Variants in SLC4A10 observed in about 807,000 individuals in gnomAD.
The protein encoded by SLC4A10 is sodium-driven chloride bicarbonate exchanger.
A neutral mutation model predicts 137.7 loss-of-function variants in SLC4A10; 42 were observed. The observed-to-expected ratio is 0.30, with a 90% CI of 0.24 to 0.39. The LOEUF (loss-of-function observed/expected upper bound fraction) is 0.39, where lower values mean the gene tolerates loss of function less well. SLC4A10 is among the 10% of genes least tolerant of loss of function. SLC4A10 has a pLI of 1.00. For missense variants in SLC4A10, 925 were observed against 1,355.0 expected (o/e 0.68, Z 4.98); for synonymous variants, 474 against 464.1 (o/e 1.02, Z -0.27).
Position 161,903,963 on chromosome 2 carries a change from T to C in SLC4A10, c.1443-41T>C, listed in dbSNP as rs376075933. ...TGAGCATTTTGACTTGTGTGTTTTT[T>C]ATATTTGGGTTTCACTATTGTGTTT... On this transcript the variant is annotated intron_variant, in intron 12 of 26. Coordinates refer to ENST00000446997, the MANE Select transcript of SLC4A10 (RefSeq NM_001178015.2). The C allele has an allele frequency of 2.0e-6, 3 of 1,514,526 alleles. No individual in the cohort carries two copies. The African/African-American group carries it at 4.2e-5, about 21-fold the overall frequency. 93.8% of individuals were successfully genotyped at this position (1,514,526 alleles called of 1,614,324 possible).
At chr2:161,645,636 C>A (rs896896065) in intron 1 of SLC4A10, among the ~76,000 whole-genome samples, 4 of 151,952 alleles carry the variant, frequency 2.6e-5, no homozygotes, top group African/African-American at 9.7e-5. Flanking sequence ...ATAAAGCCTG[C>A]AGTAGGAAAC....
chr2:161,878,621 A>G (rs1195293846), intron 8 of SLC4A10, among the ~76,000 whole-genome samples: 1 of 152,176 alleles, frequency 6.6e-6, no homozygotes, highest in African/African-American at 2.4e-5. Context: ...GGCCAAGTAT[A>G]TAATGTGAAG....
intron 1 of SLC4A10, chr2:161,709,695 C>A (rs1457414573): frequency 6.6e-6 from 1 of 151,414 alleles, no homozygotes; most frequent in African/African-American, 2.4e-5. Context: ...TGAAACTCTG[C>A]CATTTATTTT....
chr2:161,981,166 T>A (rs1217971766), intron 26 of SLC4A10, among the ~76,000 whole-genome samples: 2 of 152,260 alleles, frequency 1.3e-5, no homozygotes, highest in Non-Finnish European at 2.9e-5. Context: ...TGAATCTTTT[T>A]ATTTATGACT....
intron 15 of SLC4A10, among the ~76,000 whole-genome samples, chr2:161,937,285 A>G (rs1375054719): frequency 6.6e-6 from 1 of 152,172 alleles, no homozygotes; most frequent in African/African-American, 2.4e-5. Flanking sequence ...ATCACAAACC[A>G]AAGGCTATTT....
intron 1 of SLC4A10, among the ~76,000 whole-genome samples, chr2:161,770,569 G>A (rs577714664): frequency 6.1e-4 from 92 of 151,978 alleles, no homozygotes; most frequent in African/African-American, 2.1e-3. Flanking sequence ...CCCTGCCATA[G>A]CATTAGTGGT....
chr2:161,787,325 A>C (rs2053738235), intron 2 of SLC4A10, among the ~76,000 whole-genome samples: 1 of 152,020 alleles, frequency 6.6e-6, no homozygotes, highest in South Asian at 2.1e-4. Flanking sequence ...AGGTGACTTG[A>C]CTGTTCTCTC....
intron 1 of SLC4A10, among the ~76,000 whole-genome samples, chr2:161,702,649 C>G (rs1011179789): frequency 6.6e-6 from 1 of 151,764 alleles, no homozygotes; most frequent in African/African-American, 2.4e-5. Context: ...GGGAAAATGA[C>G]TCCCTCTCTC....
chr2:161,822,764 C>T (rs1034124709), intron 3 of SLC4A10, among the ~76,000 whole-genome samples: 16 of 152,126 alleles, frequency 1.1e-4, no homozygotes, highest in Non-Finnish European at 1.8e-4. Context: ...CACTTGAGGC[C>T]AGGAGTTGGA....
chr2:161,718,401 G>T (rs576065804), intron 1 of SLC4A10, among the ~76,000 whole-genome samples: 2 of 151,846 alleles, frequency 1.3e-5, no homozygotes, highest in African/African-American at 4.8e-5. Flanking sequence ...TTAGGATGTG[G>T]GTTTGAGATA....
chr2:161,748,083 C>T (rs969597054), intron 1 of SLC4A10, among the ~76,000 whole-genome samples: 2 of 152,022 alleles, frequency 1.3e-5, no homozygotes, highest in African/African-American at 4.8e-5. Context: ...AATGTAATTT[C>T]AAATTATTTG....
chr2:161,956,956 GT>G, intron 19 of SLC4A10, 32 bp from the exon 20 acceptor site: 14 of 1,536,364 alleles, frequency 9.1e-6, no homozygotes, highest in Non-Finnish European at 1.2e-5. Context: ...TATTGACACA[GT>G]TTCTTTCTCT....
intron 1 of SLC4A10, among the ~76,000 whole-genome samples, chr2:161,681,348 A>G (rs1296959312): frequency 6.6e-6 from 1 of 152,184 alleles, no homozygotes; most frequent in East Asian, 1.9e-4. Context: ...TTTTGAAACC[A>G]GACAGGAATA....
chr2:161,892,475 G>A (rs926442328), intron 10 of SLC4A10, among the ~76,000 whole-genome samples: 11 of 151,790 alleles, frequency 7.2e-5, no homozygotes, highest in African/African-American at 1.7e-4. Context: ...TAACATTTTC[G>A]TATTATCCTA....
At chr2:161,925,710 C>T (rs1351002681) in intron 15 of SLC4A10, among the ~76,000 whole-genome samples, 3 of 152,100 alleles carry the variant, frequency 2.0e-5, no homozygotes, top group Non-Finnish European at 4.4e-5. Flanking sequence ...CTTCCCTCTA[C>T]ACACTGCTTT....
At chr2:161,768,251 G>A (rs973329317) in intron 1 of SLC4A10, among the ~76,000 whole-genome samples, 11 of 152,032 alleles carry the variant, frequency 7.2e-5, no homozygotes, top group African/African-American at 2.4e-4. Context: ...ACAGATTTCA[G>A]CCAGAACCTC....
At chr2:161,661,925 A>T (rs1039279903) in intron 1 of SLC4A10, among the ~76,000 whole-genome samples, 6 of 152,184 alleles carry the variant, frequency 3.9e-5, no homozygotes, top group Admixed American at 6.5e-5. Context: ...TGTAATATTC[A>T]CAAGCTAAGC....
intron 15 of SLC4A10, among the ~76,000 whole-genome samples, chr2:161,931,843 T>G (rs891171478): frequency 6.6e-6 from 1 of 152,224 alleles, no homozygotes; most frequent in Non-Finnish European, 1.5e-5. Flanking sequence ...AGAACTAATG[T>G]GTTTGTTCCC....
intron 1 of SLC4A10, among the ~76,000 whole-genome samples, chr2:161,641,872 A>G (rs1472767327): frequency 1.3e-5 from 2 of 152,054 alleles, no homozygotes; most frequent in African/African-American, 4.8e-5. Context: ...CTGCCTCATA[A>G]TTCAGGAACT....
Sources: gnomAD v4.1 joint callset for allele counts (sites outside exome capture counted in the v4.1 genomes callset) on GRCh38, gnomAD v4.1.1 for gene constraint, MANE v1.5 for transcripts, NCBI Gene and HGNC (gene_info 2026-07-23, HGNC 2026-07-21) for gene names.